Variants in SVOPL observed in about 807,000 individuals in gnomAD.
SVOPL encodes the protein SVOP like.
A neutral mutation model predicts 61.0 loss-of-function variants in SVOPL; 60 were observed. The observed-to-expected ratio is 0.98, with a 90% CI of 0.80 to 1.22. The LOEUF (loss-of-function observed/expected upper bound fraction) is 1.22. Among genes scored for constraint, SVOPL ranks in the 50% most tolerant of loss-of-function variants. The pLI is 0.00. For synonymous variants in SVOPL, 279 were observed against 250.0 expected (o/e 1.12, Z -1.09); for missense variants, 662 against 643.9 (o/e 1.03, Z -0.30).
rs150316319 is a variant in SVOPL at position 138,677,435 on chromosome 7, C to A, written c.174+999G>T. Among the ~76,000 whole-genome samples the A allele has an allele frequency of 9.6e-3, 1,457 of 152,196 alleles. 16 individuals are homozygous for A. The highest frequency in any genetic ancestry group is 0.036 in the Admixed American group (550 of 15,272). On this transcript the variant is annotated intron_variant, in intron 3 of 15. Transcript: ENST00000674285. ...GATGGGTTTTATTAACCCTATAGAT[C>A]GTGACTTACTTTCCGATTTGGCATA...
chr7:138,696,301 T>C (rs1803063801), intron 1 of SVOPL, among the ~76,000 whole-genome samples: 1 of 152,064 alleles, frequency 6.6e-6, no homozygotes, highest in Admixed American at 6.6e-5. Flanking sequence ...CATGGCTCAC[T>C]ACAGCCTCAA....
chr7:138,613,692 A>G (rs1290721845), intron 14 of SVOPL, among the ~76,000 whole-genome samples: 1 of 152,098 alleles, frequency 6.6e-6, no homozygotes, highest in Non-Finnish European at 1.5e-5. Flanking sequence ...ACTAATCACA[A>G]TCTGGAATTA....
At chr7:138,596,308 G>T in intron 15 of SVOPL, 109 bp downstream of exon 15, 1 of 886,460 alleles carries the variant, frequency 1.1e-6, no homozygotes, top group South Asian at 2.0e-5. Context: ...AAAGAAATCT[G>T]ATATGAATTA....
At chr7:138,663,278 C>T (rs1013051424) in intron 4 of SVOPL, 133 bp from the exon 5 acceptor site, 81 of 1,494,462 alleles carry the variant, frequency 5.4e-5, no homozygotes, top group Middle Eastern at 2.0e-4. Context: ...CAGGGTTTCA[C>T]GTTGGTCTTG....
intron 14 of SVOPL, among the ~76,000 whole-genome samples, chr7:138,606,676 A>T (rs1183625842): frequency 1.3e-5 from 2 of 152,208 alleles, no homozygotes; most frequent in Non-Finnish European, 2.9e-5. Context: ...TCTACAGGCC[A>T]GGCACAGTGG....
At chr7:138,620,048 A>G (rs1335117052) in intron 14 of SVOPL, among the ~76,000 whole-genome samples, 1 of 147,736 alleles carries the variant, frequency 6.8e-6, no homozygotes, top group East Asian at 2.0e-4. Flanking sequence ...GCTCGGCCTC[A>G]TTCCTGCCTT....
At chr7:138,649,219 G>T (rs1246066442) in intron 7 of SVOPL, 82 bp from the exon 8 acceptor site, 2 of 1,470,278 alleles carry the variant, frequency 1.4e-6, no homozygotes, top group African/African-American at 1.4e-5. Flanking sequence ...TATATTTTTA[G>T]AAAGATTAAA....
rs886243275 is a variant in SVOPL at position 138,648,988 on chromosome 7, A to C, written c.660+24T>G. ...TGGACCAGCAGGAGGAGGGGACAGG[A>C]AGGAGCCACAAGTGCTTCCCCACCT... On this transcript the variant is annotated intron_variant, in intron 8 of 15. Coordinates refer to ENST00000674285, the MANE Select transcript of SVOPL (RefSeq NM_001139456.2). 14 of 1,613,322 alleles carry C rather than the reference A, an allele frequency of 8.7e-6. No homozygotes were observed. The Admixed American group carries it at 2.0e-4, about 23-fold the overall frequency.
chr7:138,641,649 T>G (rs1236102498), intron 9 of SVOPL, among the ~76,000 whole-genome samples: 2 of 124,662 alleles, frequency 1.6e-5, no homozygotes, highest in Middle Eastern at 5.8e-3. Context: ...CCAGCCTGGA[T>G]GACAAGAGCG....
chr7:138,618,353 T>C (rs1044224770), intron 14 of SVOPL, among the ~76,000 whole-genome samples: 2 of 152,102 alleles, frequency 1.3e-5, no homozygotes, highest in African/African-American at 4.8e-5. Flanking sequence ...CTATTCTTTA[T>C]CTCCACTTTA....
At chr7:138,603,300 A>T (rs1400909911) in intron 14 of SVOPL, among the ~76,000 whole-genome samples, 1 of 152,228 alleles carries the variant, frequency 6.6e-6, no homozygotes, top group Admixed American at 6.5e-5. Context: ...TCTCCAAGTA[A>T]AGAAACCTAT....
At chr7:138,657,289 G>A (rs1190885906) in intron 6 of SVOPL, among the ~76,000 whole-genome samples, 2 of 151,976 alleles carry the variant, frequency 1.3e-5, no homozygotes, top group African/African-American at 2.4e-5. Flanking sequence ...CCAAGTGGCT[G>A]GGATTACAGG....
intron 1 of SVOPL, among the ~76,000 whole-genome samples, chr7:138,685,336 G>A (rs919269198): frequency 5.3e-5 from 8 of 152,176 alleles, no homozygotes; most frequent in African/African-American, 1.4e-4. Flanking sequence ...GCCAGGCACA[G>A]AATAATGAAT....
rs1391538241 is a variant in SVOPL, at chr7:138,663,125, C to T, written c.294G>A (p.Met98Ile). 8.1e-6 allele frequency: 13 copies of T among 1,613,920 alleles called. No homozygotes were observed. Among genetic ancestry groups the T allele is most frequent in the Non-Finnish European group, 1.1e-5 (13 of 1,180,020 alleles). The change falls in exon 5 of 16, where the codon ATG (methionine) becomes ATA (isoleucine). Residue 98 changes from methionine to isoleucine, a missense_variant. Transcript: ENST00000674285. ...LVTTMVFFGY[M>I]VFSILFGLLA... ...GGAGGCCAAAGAGGATACTGAAAACCATGTAGCCAAAAAACACCATCTGCA... is the reference window on the plus strand; with the variant it reads ...GGAGGCCAAAGAGGATACTGAAAACTATGTAGCCAAAAAACACCATCTGCA...
intron 4 of SVOPL, chr7:138,663,601 T>C (rs1459975822): frequency 1.0e-6 from 1 of 989,368 alleles, no homozygotes. Context: ...TTCAGAACAT[T>C]CATAAGTCCT....
intron 9 of SVOPL, among the ~76,000 whole-genome samples, chr7:138,634,959 G>A (rs1800395452): frequency 6.6e-6 from 1 of 152,054 alleles, no homozygotes; most frequent in Admixed American, 6.6e-5. Context: ...GCGAGAACCT[G>A]TCTCAGAAAT....
chr7:138,599,157 AC>A lies in SVOPL; in HGVS notation c.1354-2628del, dbSNP rs1228781387. Reference sequence around the variant, plus strand: ...ATCCGTCTCCAAAAAAAAAAAAAAAACCAAAAAAAAAAGAAATACAGAAATG... The same window carrying A: ...ATCCGTCTCCAAAAAAAAAAAAAAAACAAAAAAAAAAGAAATACAGAAATG... On this transcript the variant is annotated intron_variant, in intron 14 of 15. Transcript: ENST00000674285. Among the ~76,000 whole-genome samples, 9 of 58,020 alleles carry A rather than the reference AC, an allele frequency of 1.6e-4. No individual in the cohort carries two copies. The South Asian group carries it at 1.6e-3, about 10-fold the overall frequency. The allele number at this position is 58,020 out of a possible 152,430, so 38.1% of individuals were successfully genotyped here.
At chr7:138,657,018 A>G (rs1245717237) in intron 6 of SVOPL, among the ~76,000 whole-genome samples, 2 of 151,666 alleles carry the variant, frequency 1.3e-5, no homozygotes, top group East Asian at 1.9e-4. Context: ...CTCCAGCAAC[A>G]AGAGCGAAAC....
intron 1 of SVOPL, among the ~76,000 whole-genome samples, chr7:138,691,804 G>A (rs553495950): frequency 3.4e-4 from 52 of 151,860 alleles, no homozygotes; most frequent in African/African-American, 1.1e-3. Context: ...GCCTCCCAAA[G>A]TGCTGGGATT....
Sources: gnomAD v4.1 joint callset for allele counts (sites outside exome capture counted in the v4.1 genomes callset) on GRCh38, gnomAD v4.1.1 for gene constraint, MANE v1.5 for transcripts, NCBI Gene and HGNC (gene_info 2026-07-23, HGNC 2026-07-21) for gene names.